Variants in MYB observed in about 807,000 individuals in gnomAD.
MYB encodes transcriptional activator Myb.
MYB carries 28 observed loss-of-function variants against 92.9 expected under a neutral mutation model. The observed-to-expected ratio is 0.30, with a 90% CI of 0.22 to 0.41. MYB has a LOEUF of 0.41. Among genes scored for constraint, MYB ranks in the 10% least tolerant of loss-of-function variants. MYB has a pLI of 1.00. For synonymous variants in MYB, 295 were observed against 329.1 expected, an observed-to-expected ratio of 0.90 and a Z score of 1.12; for missense variants, 679 against 929.3, an observed-to-expected ratio of 0.73 and a Z score of 3.50.
chr6:135,187,582 T>C (rs1295438946), intron 2 of MYB, among the ~76,000 whole-genome samples: 3 of 152,212 alleles, frequency 2.0e-5, no homozygotes, highest in Non-Finnish European at 4.4e-5. Context: ...ATTTTATAGA[T>C]GGCAATACTA....
In MYB at chr6:135,190,419, G is replaced by A. The variant is rs773472261; in HGVS notation, c.527+72G>A. On this transcript the variant is annotated intron_variant, in intron 5 of 15. Coordinates refer to ENST00000341911, the MANE Select transcript of MYB (RefSeq NM_001130173.2). The surrounding 1 kb of genome is among the most constrained non-coding windows in gnomAD (Gnocchi z 4.5). ...GGGTATTGAACATTCTGCTTTAAAT[G>A]TATGGTGAGTAAATTATATTTCATC... 39 of 1,116,420 alleles carry A rather than the reference G, an allele frequency of 3.5e-5. No individual in the cohort carries two copies. The highest frequency in any genetic ancestry group is 4.9e-5 in the Non-Finnish European group (37 of 756,666). The allele number at this position is 1,116,420 out of a possible 1,614,324, so 69.2% of individuals were successfully genotyped here.
intron 8 of MYB, 40 bp downstream of exon 8, chr6:135,194,500 C>T (rs778683360): frequency 1.4e-6 from 2 of 1,446,788 alleles, no homozygotes; most frequent in South Asian, 1.2e-5. Context: ...GGGATAGCAG[C>T]TTTGCCTCAG....
intron 15 of MYB, among the ~76,000 whole-genome samples, chr6:135,207,737 C>CTTT (rs11433082): frequency 4.3e-5 from 6 of 139,922 alleles, no homozygotes; most frequent in Admixed American, 7.1e-5. Flanking sequence ...TACCTCATCT[C>CTTT]TTTTTTTTTT....
chr6:135,181,784 G>A lies in MYB; in HGVS notation c.23+248G>A, dbSNP rs781705708. Among the ~76,000 whole-genome samples the A allele has an allele frequency of 3.3e-4, 51 of 152,350 alleles. No individual in the cohort carries two copies. The highest frequency in any genetic ancestry group is 8.5e-4 in the Admixed American group (13 of 15,308). ...GCGGCTCATTTTGCAAGTTGCATGG[G>A]GATACATTTTTCTTTAGGGGGAAAA... On this transcript the variant is annotated intron_variant, in intron 1 of 15. Transcript: ENST00000341911. The surrounding 1 kb of genome is among the most constrained non-coding windows in gnomAD (Gnocchi z 5.3).
intron 1 of MYB, among the ~76,000 whole-genome samples, chr6:135,183,352 C>T (rs967745905): frequency 2.6e-5 from 4 of 152,188 alleles, no homozygotes; most frequent in African/African-American, 9.6e-5. Context: ...GGCACTTCCT[C>T]CCGCTCCCCT....
intron 3 of MYB, among the ~76,000 whole-genome samples, chr6:135,189,252 C>G (rs1161537850): frequency 6.6e-6 from 1 of 152,200 alleles, no homozygotes; most frequent in East Asian, 1.9e-4. Flanking sequence ...TCAAATTCAG[C>G]ATCTGTGATA....
chr6:135,198,886 T>G, intron 10 of MYB, 22 bp from the exon 11 acceptor site: 1 of 1,567,854 alleles, frequency 6.4e-7, no homozygotes, highest in Non-Finnish European at 8.7e-7. Context: ...TCTAAGTATT[T>G]TTTCTTTCTC....
Position 135,218,165 on chromosome 6 carries a change from G to C in MYB, c.*185G>C. ...TTCTTGGATTTCACCCAACTAAAAGGATTTTTAAAAATAAATAACAGTCTT... is the reference window on the plus strand; with the variant it reads ...TTCTTGGATTTCACCCAACTAAAAGCATTTTTAAAAATAAATAACAGTCTT... On this transcript the variant is annotated 3_prime_UTR_variant, in exon 16 of 16. Transcript: ENST00000341911. 1 of 524,176 alleles carries C rather than the reference G, an allele frequency of 1.9e-6. No individual in the cohort carries two copies. Among genetic ancestry groups the C allele is most frequent in the Non-Finnish European group, 3.4e-6 (1 of 297,498 alleles). The allele number at this position is 524,176 out of a possible 1,614,324, so 32.5% of individuals were successfully genotyped here. A position where few individuals can be genotyped will look rare whatever the true frequency, so the allele number is the denominator to read the frequency against.
chr6:135,195,164 TTTAG>T lies in MYB; in HGVS notation c.949-580_949-577del, dbSNP rs1256985923. On this transcript the variant is annotated intron_variant, in intron 8 of 15. Transcript: ENST00000341911. ...CATGCTAGTTCGACCACTTTTTAAC[TTTAG>T]TTAATGTTTTGCAATTTCTCCTGTT... The T allele has an allele frequency of 5.5e-6, 6 of 1,087,640 alleles. No individual in the cohort carries two copies. The Admixed American group carries it at 1.4e-4, about 25-fold the overall frequency. The allele number at this position is 1,087,640 out of a possible 1,614,324, so 67.4% of individuals were successfully genotyped here.
intron 2 of MYB, 59 bp from the exon 3 acceptor site, chr6:135,187,775 C>T (rs1248941356): frequency 3.4e-6 from 4 of 1,193,246 alleles, no homozygotes; most frequent in Non-Finnish European, 4.8e-6. Context: ...TTCACTTTAA[C>T]TTGAACAGAG....
chr6:135,203,576 A>C, intron 15 of MYB: 2 of 752,660 alleles, frequency 2.7e-6, no homozygotes, highest in Non-Finnish European at 4.2e-6. Context: ...GATGAAATGA[A>C]ACATTTCTTA....
chr6:135,190,231 C>T lies in MYB; in HGVS notation c.411C>T (p.His137=), dbSNP rs757967868. The T allele has an allele frequency of 2.5e-6, 4 of 1,614,020 alleles. No homozygotes were observed. In the East Asian group the frequency reaches 8.9e-5, roughly 36 times the overall value. Residue 137 remains histidine, a synonymous_variant, in exon 5 of 16, where the codon CAC becomes CAT. Coordinates refer to ENST00000341911, the MANE Select transcript of MYB (RefSeq NM_001130173.2). This position sits in a 1 kb window ranked among gnomAD's most constrained non-coding sequence, Gnocchi z 4.5. ...GKQCRERWHN[H]LNPEVKKTSW... ...AATGTAGGGAGAGGTGGCATAACCA[C>T]TTGAATCCAGAAGTTAAGAAAACCT... is the stretch of plus-strand genomic sequence containing the variant.
intron 14 of MYB, among the ~76,000 whole-genome samples, chr6:135,201,989 T>C (rs1400919218): frequency 6.6e-6 from 1 of 152,248 alleles, no homozygotes; most frequent in Non-Finnish European, 1.5e-5. Context: ...ATTATTTGAG[T>C]GCCTTGGCCA....
chr6:135,197,348 G>A (rs371685798), intron 10 of MYB, 25 bp downstream of exon 10: 3 of 1,546,414 alleles, frequency 1.9e-6, no homozygotes, highest in Non-Finnish European at 2.6e-6. Flanking sequence ...CTGCACAGCT[G>A]TTACTCATTT....
intron 15 of MYB, among the ~76,000 whole-genome samples, chr6:135,212,063 T>C (rs1343269890): frequency 2.6e-5 from 4 of 152,114 alleles, no homozygotes; most frequent in Non-Finnish European, 5.9e-5. Context: ...TTCTCATTTT[T>C]AGAATTTTAG....
chr6:135,189,708 C>A (rs996719582), intron 3 of MYB, 83 bp from the exon 4 acceptor site: 8 of 1,068,896 alleles, frequency 7.5e-6, no homozygotes, highest in African/African-American at 1.6e-5. Context: ...TGCATATGGT[C>A]TATGTGTGAT....
At chr6:135,191,890 A>G (rs1006764380) in intron 5 of MYB, among the ~76,000 whole-genome samples, 2 of 152,204 alleles carry the variant, frequency 1.3e-5, no homozygotes, top group Non-Finnish European at 2.9e-5. Context: ...CATCAGCAGC[A>G]TCTTATCATC....
chr6:135,185,503 C>T (rs1057400220), intron 1 of MYB, among the ~76,000 whole-genome samples: 1 of 152,210 alleles, frequency 6.6e-6, no homozygotes, highest in Non-Finnish European at 1.5e-5. Flanking sequence ...AACGATGTGA[C>T]AGATGCCAAA....
At chr6:135,186,057 A>G (rs1775863162) in intron 2 of MYB, 37 bp downstream of exon 2, 1 of 1,569,556 alleles carries the variant, frequency 6.4e-7, no homozygotes, top group Non-Finnish European at 8.8e-7. Context: ...GAAAATAGAT[A>G]GAGTGTATAA....
Sources: allele counts gnomAD v4.1 joint callset (sites outside exome capture counted in the v4.1 genomes callset), GRCh38; gene constraint gnomAD v4.1.1; non-coding constraint Gnocchi (gnomAD v3.1); transcripts MANE v1.5; gene names NCBI Gene and HGNC (gene_info 2026-07-23, HGNC 2026-07-21).